DLC1: variants seen among roughly 807,000 people sequenced by gnomAD.
DLC1 encodes rho GTPase-activating protein 7.
In DLC1, 54 loss-of-function variants were observed where a neutral mutation model predicts 140.3. That is an observed-to-expected ratio of 0.38 (90% CI 0.31 to 0.48). The LOEUF (loss-of-function observed/expected upper bound fraction) is 0.48. Among genes scored for constraint, DLC1 ranks in the 20% least tolerant of loss-of-function variants. The pLI is 0.96. For synonymous variants in DLC1, 986 were observed against 728.1 expected (o/e 1.35, Z -5.70); for missense variants, 2,536 against 1,907.0 (o/e 1.33, Z -6.14).
At chr8:13,500,759 G>T (rs1288083496) in intron 1 of DLC1, among the ~76,000 whole-genome samples, 2 of 152,140 alleles carry the variant, frequency 1.3e-5, no homozygotes, top group African/African-American at 2.4e-5. Context: ...AAGAAACATG[G>T]AATAATCCAG....
intron 5 of DLC1, among the ~76,000 whole-genome samples, chr8:13,189,609 G>T (rs145604278): frequency 1.3e-5 from 2 of 152,156 alleles, no homozygotes; most frequent in African/African-American, 4.8e-5. Context: ...CTGGCAGGGC[G>T]CTGTGTCTCA....
intron 5 of DLC1, among the ~76,000 whole-genome samples, chr8:13,249,745 A>G (rs748260604): frequency 3.3e-5 from 5 of 152,216 alleles, no homozygotes; most frequent in Non-Finnish European, 7.3e-5. Flanking sequence ...CAAAATCACA[A>G]GAACAACAAT....
intron 5 of DLC1, among the ~76,000 whole-genome samples, chr8:13,124,037 A>C (rs1319586349): frequency 6.6e-6 from 1 of 152,244 alleles, no homozygotes; most frequent in East Asian, 1.9e-4. Context: ...AGTTTCAAAT[A>C]AAACCTACAA....
Position 13,499,271 on chromosome 8 carries a change from C to T in DLC1, c.801G>A (p.Leu267=), listed in dbSNP as rs1156252245. The change falls in exon 2 of 18, where the codon CTG becomes CTA. Residue 267 remains leucine (L), a synonymous_variant. Coordinates refer to ENST00000276297, the MANE Select transcript of DLC1 (RefSeq NM_182643.3). The part of the protein sequence containing the change: ...FLDTPCTNRG[L]PLLKTDFGSC... ...TTCCAAAATCTGTTTTTAATAATGG[C>T]AGTCCTCTGTTTGTGCAAGGAGTAT... is the stretch of plus-strand genomic sequence containing the variant. 3 of 1,614,028 alleles carry T rather than the reference C, an allele frequency of 1.9e-6. No individual in the cohort carries two copies. The highest frequency in any genetic ancestry group is 2.5e-6 in the Non-Finnish European group (3 of 1,180,022).
chr8:13,406,362 G>A (rs1023358815), intron 2 of DLC1, among the ~76,000 whole-genome samples: 9 of 151,784 alleles, frequency 5.9e-5, no homozygotes, highest in African/African-American at 2.2e-4. Flanking sequence ...TTTAAGGTAT[G>A]TTTATTGACC....
intron 4 of DLC1, among the ~76,000 whole-genome samples, chr8:13,363,940 A>G (rs990633024): frequency 1.4e-4 from 21 of 152,188 alleles, no homozygotes; most frequent in African/African-American, 3.4e-4. Flanking sequence ...AACTCTTTCT[A>G]CGCTCTAAGA....
At chr8:13,204,867 C>T (rs146688765) in intron 5 of DLC1, among the ~76,000 whole-genome samples, 90 of 152,258 alleles carry the variant, frequency 5.9e-4, no homozygotes, top group African/African-American at 2.0e-3. Flanking sequence ...TCCTGCATTG[C>T]CTTTACATAT....
At chr8:13,454,452 A>C (rs1037427915) in intron 2 of DLC1, among the ~76,000 whole-genome samples, 1 of 152,228 alleles carries the variant, frequency 6.6e-6, no homozygotes, top group Admixed American at 6.5e-5. Flanking sequence ...GGCAAAAAGT[A>C]ATATTTAAAT....
chr8:13,152,616 G>T lies in DLC1; in HGVS notation c.1349-36959C>A, dbSNP rs1025550639. Among the ~76,000 whole-genome samples, 4 of 151,498 alleles carry T rather than the reference G, an allele frequency of 2.6e-5. No individual in the cohort carries two copies. The Admixed American group carries it at 2.6e-4, about 10-fold the overall frequency. On this transcript the variant is annotated intron_variant, in intron 5 of 17. Coordinates refer to ENST00000276297, the MANE Select transcript of DLC1 (RefSeq NM_182643.3). ...TAACAAATGGAAGCATGGGCAACGT[G>T]GAGAAACACCACCTCTACCAATAAT...
At chr8:13,342,135 T>G (rs1042601737) in intron 4 of DLC1, 1 of 152,204 alleles carries the variant, frequency 6.6e-6, no homozygotes, top group Non-Finnish European at 1.5e-5. Flanking sequence ...ACCAATGAGG[T>G]ATCATGAAAT....
At chr8:13,119,001 G>C (rs1266327070) in intron 5 of DLC1, among the ~76,000 whole-genome samples, 1 of 152,040 alleles carries the variant, frequency 6.6e-6, no homozygotes, top group Admixed American at 6.6e-5. Context: ...GGGAGAGTTG[G>C]GTGGACTGTT....
At chr8:13,579,315 T>TTATA (rs369773134) in intron 1 of DLC1, among the ~76,000 whole-genome samples, 10 of 10,666 alleles carry the variant, frequency 9.4e-4, no homozygotes, top group African/African-American at 3.4e-3. Flanking sequence ...AGGTCTGACT[T>TTATA]TATATATATA....
At chr8:13,544,540 A>G (rs943651602) in intron 1 of DLC1, among the ~76,000 whole-genome samples, 1 of 152,130 alleles carries the variant, frequency 6.6e-6, no homozygotes, top group Non-Finnish European at 1.5e-5. Flanking sequence ...AGAGATTACA[A>G]AGAACAGACA....
rs1044924954 is a variant in DLC1, at chr8:13,099,955, G to C, written c.2382C>G (p.Asn794Lys). Reference protein sequence around the residue: ...QSTFNNVVEQNFKNRESYPED... With the variant: ...QSTFNNVVEQKFKNRESYPED... The stretch of plus-strand genomic sequence containing the variant: ...CTGGGTAGCTCTCGCGGTTCTTAAA[G>C]TTCTGCTCCACCACGTTGTTAAATG... Residue 794 changes from asparagine to lysine, a missense_variant, in exon 9 of 18, where the codon AAC (asparagine) becomes AAG (lysine). Asn to Lys is a moderately conservative substitution (Grantham distance 94, BLOSUM62 0). Transcript: ENST00000276297. The C allele has an allele frequency of 1.9e-6, 3 of 1,613,142 alleles. No homozygotes were observed. Among genetic ancestry groups the C allele is most frequent in the Non-Finnish European group, 2.5e-6 (3 of 1,180,036 alleles).
intron 4 of DLC1, among the ~76,000 whole-genome samples, chr8:13,316,700 G>GGGCA (rs1212313589): frequency 6.6e-6 from 1 of 152,152 alleles, no homozygotes; most frequent in Non-Finnish European, 1.5e-5. Flanking sequence ...GGTTTTCTTA[G>GGGCA]GGCAGCTGAG....
intron 2 of DLC1, among the ~76,000 whole-genome samples, chr8:13,455,727 G>A (rs918027369): frequency 1.3e-5 from 2 of 151,952 alleles, no homozygotes; most frequent in African/African-American, 2.4e-5. Context: ...ATAAAAATTC[G>A]AGGATAGGCA....
chr8:13,325,391 G>A (rs1833295537), intron 4 of DLC1, among the ~76,000 whole-genome samples: 1 of 151,948 alleles, frequency 6.6e-6, no homozygotes, highest in African/African-American at 2.4e-5. Context: ...CTACTAAATT[G>A]CACAACACTA....
In DLC1 at chr8:13,367,322, C is replaced by T. The variant is rs563291012; in HGVS notation, c.1314+26231G>A. On this transcript the variant is annotated intron_variant, in intron 4 of 17. Coordinates refer to ENST00000276297, the MANE Select transcript of DLC1 (RefSeq NM_182643.3). ...ATCCAGATCATGAACTGTGAGGAAA[C>T]CTAACACAGAGAACTGCTGGCAGTG... Among the ~76,000 whole-genome samples the T allele has an allele frequency of 1.1e-4, 16 of 152,198 alleles. No homozygotes were observed. In the South Asian group the frequency reaches 1.9e-3, roughly 18 times the overall value.
chr8:13,092,370 G>C (rs955343355), intron 13 of DLC1, among the ~76,000 whole-genome samples: 3 of 152,362 alleles, frequency 2.0e-5, no homozygotes, highest in Middle Eastern at 3.4e-3. Flanking sequence ...TTAGAGCTGA[G>C]GAAAAGGATC....
Sources: gnomAD v4.1 joint callset for allele counts (sites outside exome capture counted in the v4.1 genomes callset) on GRCh38, gnomAD v4.1.1 for gene constraint, MANE v1.5 for transcripts, NCBI Gene and HGNC (gene_info 2026-07-23, HGNC 2026-07-21) for gene names.